PTPRO: variants seen among roughly 807,000 people sequenced by gnomAD.
PTPRO encodes the protein protein tyrosine phosphatase receptor type O, also known as receptor-type tyrosine-protein phosphatase O.
PTPRO carries 62 observed loss-of-function variants against 145.2 expected under a neutral mutation model. The observed-to-expected ratio is 0.43, with a 90% CI of 0.35 to 0.53. PTPRO has a LOEUF of 0.53. Among genes scored for constraint, PTPRO ranks in the 20% least tolerant of loss-of-function variants. The pLI is 0.01. For synonymous variants in PTPRO, 565 were observed against 514.7 expected (o/e 1.10, Z -1.32); for missense variants, 1,345 against 1,482.7 (o/e 0.91, Z 1.53).
At chr12:15,483,696 C>A (rs966184341) in intron 1 of PTPRO, among the ~76,000 whole-genome samples, 1 of 152,048 alleles carries the variant, frequency 6.6e-6, no homozygotes, top group African/African-American at 2.4e-5. Flanking sequence ...TTGTTTATTA[C>A]ATGACACTGT....
At chr12:15,377,647 CT>C (rs1201601511) in intron 1 of PTPRO, among the ~76,000 whole-genome samples, 1 of 151,972 alleles carries the variant, frequency 6.6e-6, no homozygotes, top group Non-Finnish European at 1.5e-5. Context: ...ACCAACCAGC[CT>C]TAAACATCTA....
intron 24 of PTPRO, among the ~76,000 whole-genome samples, chr12:15,588,095 T>A (rs1211929231): frequency 6.6e-6 from 1 of 152,196 alleles, no homozygotes; most frequent in East Asian, 1.9e-4. Flanking sequence ...GATTATCTGT[T>A]CTCAAAATGG....
chr12:15,571,143 C>T (rs1944036799), intron 19 of PTPRO, among the ~76,000 whole-genome samples: 1 of 152,126 alleles, frequency 6.6e-6, no homozygotes, highest in Non-Finnish European at 1.5e-5. Flanking sequence ...CCAGGGGCCC[C>T]TCTATTTCTC....
chr12:15,393,060 C>A (rs1011449175), intron 1 of PTPRO, among the ~76,000 whole-genome samples: 1 of 152,138 alleles, frequency 6.6e-6, no homozygotes, highest in African/African-American at 2.4e-5. Flanking sequence ...CTAGCCAAAC[C>A]ATTAACTGCC....
At chr12:15,527,749 C>T (rs201423290) in intron 12 of PTPRO, among the ~76,000 whole-genome samples, 18 of 152,046 alleles carry the variant, frequency 1.2e-4, no homozygotes, top group Non-Finnish European at 2.2e-4. Context: ...ATTTGCTAGG[C>T]AAACATAGCC....
At chr12:15,530,468 A>G (rs1339290880) in intron 12 of PTPRO, among the ~76,000 whole-genome samples, 1 of 152,218 alleles carries the variant, frequency 6.6e-6, no homozygotes, top group Non-Finnish European at 1.5e-5. Flanking sequence ...AATATATCAT[A>G]TCTTAGGACA....
chr12:15,481,205 G>A (rs1941772463), intron 1 of PTPRO, among the ~76,000 whole-genome samples: 1 of 152,052 alleles, frequency 6.6e-6, no homozygotes, highest in Non-Finnish European at 1.5e-5. Flanking sequence ...ATTCCACGTG[G>A]ACCACTGGCA....
intron 1 of PTPRO, among the ~76,000 whole-genome samples, chr12:15,385,532 C>G (rs1938996696): frequency 6.6e-6 from 1 of 151,908 alleles, no homozygotes; most frequent in African/African-American, 2.4e-5. Flanking sequence ...AGGATAGATG[C>G]AGCCGGGCAT....
At chr12:15,412,215 C>T (rs1939820501) in intron 1 of PTPRO, among the ~76,000 whole-genome samples, 1 of 152,046 alleles carries the variant, frequency 6.6e-6, no homozygotes, top group Non-Finnish European at 1.5e-5. Context: ...AGGGCTACTC[C>T]TCCTTTTGAA....
chr12:15,404,748 A>G (rs565890046), intron 1 of PTPRO, among the ~76,000 whole-genome samples: 7 of 152,340 alleles, frequency 4.6e-5, no homozygotes, highest in African/African-American at 1.7e-4. Context: ...TTTTCACTCT[A>G]TGTGTCAACT....
At chr12:15,513,170 A>G (rs1316209534) in intron 7 of PTPRO, among the ~76,000 whole-genome samples, 4 of 93,840 alleles carry the variant, frequency 4.3e-5, no homozygotes, top group South Asian at 3.8e-4. Flanking sequence ...AGAAAGAAAG[A>G]AAGAAAGAAA....
In PTPRO at chr12:15,503,901, G is replaced by A. The variant is rs762795277; in HGVS notation, c.1106-7G>A. On this transcript the variant is annotated splice_polypyrimidine_tract_variant and splice_region_variant and intron_variant, in intron 5 of 26. Transcript: ENST00000281171. The stretch of plus-strand genomic sequence containing the variant: ...CATGTATCTTCTCTTTTTTATATAT[G>A]ATTTAGAGAACTTTACTGAATATTT... 1 of 1,561,988 alleles carries A rather than the reference G, an allele frequency of 6.4e-7. No homozygotes were observed. The highest frequency in any genetic ancestry group is 1.7e-5 in the Admixed American group (1 of 59,768).
At chr12:15,497,131 T>G in intron 2 of PTPRO, 114 bp from the exon 3 acceptor site, 1 of 981,946 alleles carries the variant, frequency 1.0e-6, no homozygotes, top group East Asian at 2.4e-5. Flanking sequence ...CCACAGACAG[T>G]GAAAATTATG....
intron 1 of PTPRO, among the ~76,000 whole-genome samples, chr12:15,447,085 G>A (rs1940920705): frequency 6.6e-6 from 1 of 152,070 alleles, no homozygotes; most frequent in African/African-American, 2.4e-5. Flanking sequence ...GAATCATCTA[G>A]CCCTCCGCAA....
intron 1 of PTPRO, among the ~76,000 whole-genome samples, chr12:15,330,157 T>A (rs372119261): frequency 1.3e-5 from 2 of 152,338 alleles, no homozygotes; most frequent in East Asian, 3.9e-4. Context: ...GCGCTTTGCC[T>A]GCAAGAAAGG....
At chr12:15,525,484 G>A (rs1053709992) in intron 11 of PTPRO, among the ~76,000 whole-genome samples, 1 of 152,140 alleles carries the variant, frequency 6.6e-6, no homozygotes, top group African/African-American at 2.4e-5. Flanking sequence ...TGCTTTAAGG[G>A]GTCACCCAGG....
chr12:15,493,082 G>C (rs114472354), intron 2 of PTPRO, among the ~76,000 whole-genome samples: 2,382 of 152,150 alleles, frequency 0.016, 53 homozygotes, highest in African/African-American at 0.053. Flanking sequence ...AGATAAATAA[G>C]CTTGAAAGGT....
intron 18 of PTPRO, among the ~76,000 whole-genome samples, chr12:15,565,962 G>A (rs1943888438): frequency 6.6e-6 from 1 of 152,014 alleles, no homozygotes; most frequent in Non-Finnish European, 1.5e-5. Flanking sequence ...TACATCAAAG[G>A]GTTTCAAAAA....
chr12:15,473,930 A>G (rs1565650891), intron 1 of PTPRO, among the ~76,000 whole-genome samples: 1 of 152,152 alleles, frequency 6.6e-6, no homozygotes, highest in Non-Finnish European at 1.5e-5. Context: ...AATTAGCCCT[A>G]TTTTATAAAT....
Sources: gnomAD v4.1 joint callset for allele counts (sites outside exome capture counted in the v4.1 genomes callset) on GRCh38, gnomAD v4.1.1 for gene constraint, MANE v1.5 for transcripts, NCBI Gene and HGNC (gene_info 2026-07-23, HGNC 2026-07-21) for gene names.